Variants in TBCA observed in about 807,000 individuals in gnomAD.
TBCA encodes tubulin-specific chaperone A.
TBCA carries 6 observed loss-of-function variants against 15.8 expected under a neutral mutation model. The observed-to-expected ratio is 0.38, with a 90% confidence interval of 0.21 to 0.75. The LOEUF (loss-of-function observed/expected upper bound fraction) is 0.75, where lower values mean the gene tolerates loss of function less well. Ranked by LOEUF, TBCA falls within the 30% of genes least tolerant of loss-of-function variation. The probability of loss-of-function intolerance (pLI) is 0.46; values close to 1 mark genes in which losing one functional copy is unlikely to be tolerated. For missense variants in TBCA, 90 were observed against 131.2 expected (o/e 0.69, Z 1.53); for synonymous variants, 32 against 42.3 (o/e 0.76, Z 0.94).
At chr5:77,740,537 T>C (rs763451576) in intron 1 of TBCA, among the ~76,000 whole-genome samples, 1 of 152,126 alleles carries the variant, frequency 6.6e-6, no homozygotes. Context: ...GGTAGTACCA[T>C]TGTCAGAGAT....
intron 1 of TBCA, among the ~76,000 whole-genome samples, chr5:77,739,939 C>T (rs984884287): frequency 6.6e-6 from 1 of 151,984 alleles, no homozygotes; most frequent in Non-Finnish European, 1.5e-5. Context: ...AAAAGACAGC[C>T]AAATTAAATG....
At chr5:77,721,207 A>G (rs1013855044) in intron 1 of TBCA, among the ~76,000 whole-genome samples, 6 of 152,168 alleles carry the variant, frequency 3.9e-5, no homozygotes, top group Non-Finnish European at 8.8e-5. Context: ...TGACCTATCA[A>G]CTCAGGTTAT....
chr5:77,722,081 C>T (rs1294559502), intron 1 of TBCA, among the ~76,000 whole-genome samples: 2 of 151,986 alleles, frequency 1.3e-5, no homozygotes, highest in Non-Finnish European at 1.5e-5. Flanking sequence ...AGCTGTTGTT[C>T]TGCAGTCTTC....
At chr5:77,750,618 T>C (rs930100911) in intron 1 of TBCA, among the ~76,000 whole-genome samples, 4 of 152,124 alleles carry the variant, frequency 2.6e-5, no homozygotes, top group African/African-American at 9.7e-5. Context: ...GCAGAAGCTA[T>C]TGAAAAGAAA....
At chr5:77,764,021 A>G (rs890778937) in intron 1 of TBCA, among the ~76,000 whole-genome samples, 8 of 152,238 alleles carry the variant, frequency 5.3e-5, no homozygotes, top group Non-Finnish European at 1.0e-4. Context: ...ATTATCAAAC[A>G]ATGGAGTATT....
At chr5:77,731,144 T>C (rs1746758360) in intron 1 of TBCA, among the ~76,000 whole-genome samples, 1 of 152,190 alleles carries the variant, frequency 6.6e-6, no homozygotes, top group African/African-American at 2.4e-5. Context: ...GTCCTATCAA[T>C]TGACATATTC....
intron 1 of TBCA, among the ~76,000 whole-genome samples, chr5:77,751,637 T>C (rs2112494009): frequency 6.6e-6 from 1 of 152,282 alleles, no homozygotes; most frequent in South Asian, 2.1e-4. Context: ...CAAATCTTAA[T>C]TTTGTCCCAT....
intron 1 of TBCA, among the ~76,000 whole-genome samples, chr5:77,754,848 T>C (rs1431603508): frequency 1.3e-5 from 2 of 152,256 alleles, no homozygotes; most frequent in Admixed American, 6.5e-5. Flanking sequence ...ACATTTCTAA[T>C]ATTATTTTAC....
chr5:77,734,608 G>A (rs534195817), intron 1 of TBCA, among the ~76,000 whole-genome samples: 1 of 152,284 alleles, frequency 6.6e-6, no homozygotes, highest in African/African-American at 2.4e-5. Context: ...TTATGGATAA[G>A]CAAAGAAAAT....
intron 3 of TBCA, chr5:77,692,764 A>C (rs1745783681): frequency 2.0e-6 from 2 of 998,498 alleles, no homozygotes; most frequent in South Asian, 8.8e-5. Context: ...TATACCAGCA[A>C]GTATAAGTGT....
At chr5:77,712,861 G>T (rs1213004418) in intron 1 of TBCA, among the ~76,000 whole-genome samples, 1 of 152,150 alleles carries the variant, frequency 6.6e-6, no homozygotes, top group African/African-American at 2.4e-5. Flanking sequence ...AAATTTGAAA[G>T]ATTTGGAATT....
chr5:77,726,728 T>A (rs926116165), intron 1 of TBCA, among the ~76,000 whole-genome samples: 1 of 152,184 alleles, frequency 6.6e-6, no homozygotes, highest in Non-Finnish European at 1.5e-5. Context: ...AGAAGCTGAA[T>A]GATAACATTT....
intron 1 of TBCA, among the ~76,000 whole-genome samples, chr5:77,718,022 C>G (rs1468445501): frequency 6.6e-6 from 1 of 151,646 alleles, no homozygotes; most frequent in Non-Finnish European, 1.5e-5. Flanking sequence ...CCCAGCTACT[C>G]GGGAGGCTGA....
chr5:77,740,732 T>C (rs978686379), intron 1 of TBCA, among the ~76,000 whole-genome samples: 1 of 152,170 alleles, frequency 6.6e-6, no homozygotes, highest in Non-Finnish European at 1.5e-5. Flanking sequence ...TATTGATAAC[T>C]GAGGTCATGA....
At chr5:77,694,228 T>C (rs1185065958) in intron 2 of TBCA, 1 of 152,256 alleles carries the variant, frequency 6.6e-6, no homozygotes. Context: ...ATGCTTATCA[T>C]GCATAAAAAG....
chr5:77,691,531 C>T, intron 3 of TBCA, 33 bp from the exon 4 acceptor site: 1 of 1,539,212 alleles, frequency 6.5e-7, no homozygotes, highest in South Asian at 1.3e-5. Flanking sequence ...TTAAGTTTAT[C>T]CTTTTCAAGT....
intron 2 of TBCA, among the ~76,000 whole-genome samples, chr5:77,699,300 A>G (rs773490591): frequency 3.9e-5 from 6 of 152,152 alleles, no homozygotes; most frequent in Admixed American, 1.3e-4. Context: ...GAAAAGCTAA[A>G]ATAATTTTGA....
At chr5:77,730,223 T>C (rs1192064028) in intron 1 of TBCA, among the ~76,000 whole-genome samples, 1 of 152,180 alleles carries the variant, frequency 6.6e-6, no homozygotes, top group African/African-American at 2.4e-5. Flanking sequence ...GATGGGGTCA[T>C]AATGAATTGG....
chr5:77,740,254 C>A (rs1260717724), intron 1 of TBCA, among the ~76,000 whole-genome samples: 1 of 152,048 alleles, frequency 6.6e-6, no homozygotes, highest in East Asian at 1.9e-4. Flanking sequence ...CTGAAACAAC[C>A]GAATTTTTCC....
Sources: allele counts gnomAD v4.1 joint callset (sites outside exome capture counted in the v4.1 genomes callset), GRCh38; gene constraint gnomAD v4.1.1; transcripts MANE v1.5; gene names NCBI Gene and HGNC (gene_info 2026-07-23, HGNC 2026-07-21).